Variants in GPR55 observed in about 807,000 individuals in gnomAD.
GPR55 encodes the protein G protein-coupled receptor 55.
In GPR55, 6 loss-of-function variants were observed where a neutral mutation model predicts 7.9. That is an observed-to-expected ratio of 0.76 (90% confidence interval 0.41 to 1.49). The LOEUF (loss-of-function observed/expected upper bound fraction) is 1.49, where lower values mean the gene tolerates loss of function less well. Among genes scored for constraint, GPR55 ranks in the 40% most tolerant of loss-of-function variants. The pLI, the probability that GPR55 is intolerant of heterozygous loss-of-function variation, is 0.01. For synonymous variants in GPR55, 183 were observed against 166.8 expected (o/e 1.10, Z -0.75); for missense variants, 376 against 406.0 (o/e 0.93, Z 0.63).
intron 1 of GPR55, among the ~76,000 whole-genome samples, chr2:230,931,561 G>A (rs1421500331): frequency 1.3e-5 from 2 of 152,072 alleles, no homozygotes; most frequent in Non-Finnish European, 2.9e-5. Context: ...GGGTGGAAAT[G>A]GAGGCATTGA....
intron 1 of GPR55, among the ~76,000 whole-genome samples, chr2:230,943,037 G>C (rs1170710595): frequency 1.3e-5 from 2 of 148,432 alleles, no homozygotes; most frequent in Non-Finnish European, 3.0e-5. Context: ...GGAGAGAAGA[G>C]ACGAGAAGAG....
intron 1 of GPR55, among the ~76,000 whole-genome samples, chr2:230,960,596 C>T (rs985533335): frequency 1.3e-5 from 2 of 152,102 alleles, no homozygotes; most frequent in African/African-American, 2.4e-5. Context: ...AAAAAATCAC[C>T]GTAAGACAGC....
chr2:230,937,985 ATC>A (rs1691159102), intron 1 of GPR55, among the ~76,000 whole-genome samples: 1 of 151,778 alleles, frequency 6.6e-6, no homozygotes, highest in Non-Finnish European at 1.5e-5. Flanking sequence ...TGAGATCCTC[ATC>A]TCTACCAAAA....
Position 230,952,925 on chromosome 2 carries a change from C to G in GPR55, c.-135+7850G>C, listed in dbSNP as rs546625488. 3.9e-5 allele frequency among the ~76,000 whole-genome samples: 6 copies of G among 152,332 alleles called. No individual in the cohort carries two copies. The East Asian group carries it at 1.2e-3, about 29-fold the overall frequency. ...TCCTCTGCTCCGCCATTTGCCCTAA[C>G]AGTTGCCAAGGTGTTTCCCCAGCTA... On this transcript the variant is annotated intron_variant, in intron 1 of 1. Coordinates refer to the GPR55 transcript ENST00000392039.
upstream of GPR55, among the ~76,000 whole-genome samples, chr2:230,926,916 C>A (rs1243892854): frequency 2.0e-5 from 3 of 151,996 alleles, no homozygotes; most frequent in African/African-American, 7.3e-5. Context: ...TGGTCTTGAA[C>A]TCCCGACCTC....
At chr2:230,920,626 A>G (rs1182141239) in intron 1 of GPR55, among the ~76,000 whole-genome samples, 2 of 152,220 alleles carry the variant, frequency 1.3e-5, no homozygotes, top group Non-Finnish European at 2.9e-5. Context: ...GAGTAGGTGA[A>G]GGTAAGAAAA....
At chr2:230,943,423 C>T (rs1401280083) in intron 1 of GPR55, among the ~76,000 whole-genome samples, 3 of 152,218 alleles carry the variant, frequency 2.0e-5, no homozygotes, top group African/African-American at 7.2e-5. Context: ...GGCATGGGTG[C>T]TAAGAGATGT....
chr2:230,917,294 G>A (rs951623283), intron 1 of GPR55, among the ~76,000 whole-genome samples: 2 of 152,022 alleles, frequency 1.3e-5, no homozygotes, highest in Non-Finnish European at 2.9e-5. Flanking sequence ...ATATAAATTA[G>A]GACATAGAAT....
chr2:230,949,167 T>TTGTC (rs1199134477), intron 1 of GPR55, among the ~76,000 whole-genome samples: 1 of 151,772 alleles, frequency 6.6e-6, no homozygotes, highest in East Asian at 1.9e-4. Flanking sequence ...GTTTGTTTGT[T>TTGTC]TGTTTGTTTT....
At chr2:230,948,630 A>G (rs1001431030) in intron 1 of GPR55, among the ~76,000 whole-genome samples, 1 of 152,194 alleles carries the variant, frequency 6.6e-6, no homozygotes, top group Admixed American at 6.5e-5. Flanking sequence ...AGAGCTGTAG[A>G]TATTCCTTCC....
chr2:230,941,916 T>G (rs531358250), intron 1 of GPR55, among the ~76,000 whole-genome samples: 7 of 152,328 alleles, frequency 4.6e-5, no homozygotes, highest in South Asian at 2.1e-4. Context: ...AAATATTTGA[T>G]GAGTTATTGA....
rs1166462792 is a variant in GPR55, at chr2:230,909,835, A to G, written c.*168T>C. On this transcript the variant is annotated 3_prime_UTR_variant, in exon 2 of 2. Transcript: ENST00000650999. ...TATAAGCTGTCTGGGCAGTGGAAAA[A>G]AGGTCTTTGGGGTATAATGAGCAAA... 1.5e-6 allele frequency: 1 copy of G among 681,414 alleles called. No individual in the cohort carries two copies. The highest frequency in any genetic ancestry group is 2.5e-6 in the Non-Finnish European group (1 of 401,358). The allele number at this position is 681,414 out of a possible 1,614,324, so 42.2% of individuals were successfully genotyped here. A position where few individuals can be genotyped will look rare whatever the true frequency, so the allele number is the denominator to read the frequency against.
chr2:230,927,486 C>A (rs906502658), upstream of GPR55, among the ~76,000 whole-genome samples: 1 of 152,192 alleles, frequency 6.6e-6, no homozygotes, highest in African/African-American at 2.4e-5. Context: ...TTGCCACAGG[C>A]CTGGGGAGTC....
rs763419638 is a variant in GPR55, at chr2:230,923,637, G to A, written c.-135+1531C>T. On this transcript the variant is annotated intron_variant, in intron 1 of 1. Coordinates refer to ENST00000650999, the MANE Select transcript of GPR55 (RefSeq NM_005683.4). The surrounding 1 kb of genome is among the most constrained non-coding windows in gnomAD (Gnocchi z 4.1). ...GTGGGGCTGGGAGAGGGGAGGGGCC[G>A]GCTTGGGGACGTGAAAGGTGGCCAG... Among the ~76,000 whole-genome samples, 3 of 152,108 alleles carry A rather than the reference G, an allele frequency of 2.0e-5. No individual in the cohort carries two copies. Among genetic ancestry groups the A allele is most frequent in the Non-Finnish European group, 2.9e-5 (2 of 68,018 alleles).
upstream of GPR55, among the ~76,000 whole-genome samples, chr2:230,926,115 G>A (rs971714936): frequency 1.3e-5 from 2 of 152,192 alleles, no homozygotes; most frequent in African/African-American, 4.8e-5. Context: ...GGACTTTCAG[G>A]TGTCTACAGG....
chr2:230,910,568 AG>A lies in GPR55; in HGVS notation c.394del (p.Leu132SerfsTer121). ...CCCAAAGATCTTCCTGGGGGACCGG[AG>A]GTGGCTCACCAGTAGCGGGTAACGG... The part of the protein sequence containing the change: ...AIRYPLLVSH[L>X]RSPRKIFGIC... On this transcript the variant is annotated frameshift_variant, in exon 2 of 2. Transcript: ENST00000650999. LOFTEE classifies it high-confidence loss of function. The surrounding 1 kb of genome is among the most constrained non-coding windows in gnomAD (Gnocchi z 5.4). The A allele has an allele frequency of 6.2e-7, 1 of 1,613,936 alleles. No homozygotes were observed. The highest frequency in any genetic ancestry group is 1.1e-5 in the South Asian group (1 of 91,072).
intron 1 of GPR55, among the ~76,000 whole-genome samples, chr2:230,940,886 G>A (rs948908912): frequency 2.0e-5 from 3 of 152,194 alleles, no homozygotes; most frequent in Non-Finnish European, 4.4e-5. Flanking sequence ...GGAGGCCAAG[G>A]CGGGTGGATT....
intron 1 of GPR55, among the ~76,000 whole-genome samples, chr2:230,942,354 G>A (rs1028515187): frequency 6.6e-6 from 1 of 152,194 alleles, no homozygotes; most frequent in Admixed American, 6.5e-5. Flanking sequence ...CCCCAGCAGA[G>A]CAGCTGAGAG....
chr2:230,937,762 T>A (rs550595863), intron 1 of GPR55, among the ~76,000 whole-genome samples: 1 of 152,262 alleles, frequency 6.6e-6, no homozygotes, highest in South Asian at 2.1e-4. Context: ...AGACCTCATC[T>A]AGAAGAATGT....
Sources: gnomAD v4.1 joint callset for allele counts (sites outside exome capture counted in the v4.1 genomes callset) on GRCh38, gnomAD v4.1.1 for gene constraint, Gnocchi (gnomAD v3.1) non-coding constraint, MANE v1.5 for transcripts, NCBI Gene and HGNC (gene_info 2026-07-23, HGNC 2026-07-21) for gene names.